The following RBFOX2 variants were observed in gnomAD, a reference collection of about 807,000 sequenced individuals.
The protein encoded by RBFOX2 is RNA binding protein fox-1 homolog 2.
Under a neutral mutation model 49.1 loss-of-function variants are expected in RBFOX2, and 10 were observed. That is an observed-to-expected ratio of 0.20 (90% CI 0.13 to 0.35). The LOEUF is 0.35. Among genes scored for constraint, RBFOX2 ranks in the 10% least tolerant of loss-of-function variants. The pLI is 1.00. For synonymous variants in RBFOX2, 183 were observed against 187.4 expected (o/e 0.98, Z 0.19); for missense variants, 323 against 486.9 (o/e 0.66, Z 3.17).
chr22:35,970,688 G>T (rs2056822033), intron 1 of RBFOX2, among the ~76,000 whole-genome samples: 2 of 152,064 alleles, frequency 1.3e-5, no homozygotes, highest in African/African-American at 4.8e-5. Context: ...GAAGAAATGT[G>T]ATCATGGTGC....
chr22:35,759,032 T>C lies in RBFOX2; in HGVS notation c.887+856A>G, dbSNP rs1332099032. ...CTGGCAGAGAAAAGGTGAAGAGAAA[T>C]GTCACATCTTTGATGAGGAAGTCCT... is the stretch of plus-strand genomic sequence containing the variant. On this transcript the variant is annotated intron_variant, in intron 9 of 11. Coordinates refer to ENST00000405409, the Ensembl canonical transcript of RBFOX2. This position sits in a 1 kb window ranked among gnomAD's most constrained non-coding sequence, Gnocchi z 4.6. 6.6e-6 allele frequency among the ~76,000 whole-genome samples: 1 copy of C among 152,080 alleles called. No individual in the cohort carries two copies. Among genetic ancestry groups the C allele is most frequent in the Admixed American group, 6.5e-5 (1 of 15,272 alleles).
chr22:36,023,629 A>C (rs967848790), intron 1 of RBFOX2, among the ~76,000 whole-genome samples: 1 of 152,220 alleles, frequency 6.6e-6, no homozygotes, highest in Non-Finnish European at 1.5e-5. Flanking sequence ...TAATAGCCCT[A>C]TATTTAACTC....
At chr22:35,840,613 C>T (rs560362736), upstream of RBFOX2, 313 of 1,107,916 alleles carry the variant, frequency 2.8e-4, 1 homozygote, top group African/African-American at 5.0e-3. Flanking sequence ...GCTGTGCGCA[C>T]GCGTGTGTGC....
chr22:35,778,108 T>G, intron 3 of RBFOX2, 30 bp from the exon 5 acceptor site: 1 of 1,563,498 alleles, frequency 6.4e-7, no homozygotes, highest in Middle Eastern at 1.7e-4. Context: ...AACGTTTACT[T>G]ATGGTCAGGT....
At chr22:35,994,744 T>A (rs1251852038) in intron 1 of RBFOX2, 1 of 151,712 alleles carries the variant, frequency 6.6e-6, no homozygotes, top group Admixed American at 6.6e-5. Flanking sequence ...AGAACAGAGA[T>A]GCGGGTCTCA....
intron 1 of RBFOX2, among the ~76,000 whole-genome samples, chr22:35,925,060 C>T (rs112692425): frequency 0.077 from 11,713 of 151,686 alleles, 475 homozygotes; most frequent in South Asian, 0.086. Context: ...GACGTGGTGG[C>T]GCATACTTGT....
At chr22:35,762,783 G>C (rs1377470570) in intron 6 of RBFOX2, among the ~76,000 whole-genome samples, 1 of 152,100 alleles carries the variant, frequency 6.6e-6, no homozygotes. Flanking sequence ...GGGGATTACA[G>C]GCTTGAGCCA....
intron 9 of RBFOX2, chr22:35,750,562 G>T: frequency 1.4e-6 from 1 of 733,154 alleles, no homozygotes; most frequent in Non-Finnish European, 2.4e-6. Flanking sequence ...TCTGATAGCT[G>T]GATAAATTTG....
chr22:35,983,365 G>GAT (rs1193210949), intron 1 of RBFOX2, among the ~76,000 whole-genome samples: 2 of 151,318 alleles, frequency 1.3e-5, no homozygotes, highest in Non-Finnish European at 2.9e-5. Context: ...AACAGAACCT[G>GAT]ATAGAAAAGT....
intron 1 of RBFOX2, among the ~76,000 whole-genome samples, chr22:35,911,855 ATTT>A (rs2049875872): frequency 6.6e-6 from 1 of 152,080 alleles, no homozygotes; most frequent in South Asian, 2.1e-4. Flanking sequence ...TCTGGATAAA[ATTT>A]TTAATGAACC....
intron 1 of RBFOX2, among the ~76,000 whole-genome samples, chr22:35,852,930 T>C (rs142235811): frequency 2.6e-4 from 39 of 152,310 alleles, no homozygotes; most frequent in African/African-American, 9.1e-4. Flanking sequence ...CCTAGTCAAT[T>C]TCCAGAGAAA....
intron 1 of RBFOX2, among the ~76,000 whole-genome samples, chr22:35,954,588 C>T (rs940754467): frequency 1.3e-5 from 2 of 152,188 alleles, no homozygotes; most frequent in African/African-American, 2.4e-5. Context: ...ACTCATACCA[C>T]TTCCATAGTA....
intron 1 of RBFOX2, chr22:35,821,908 A>T (rs1954610396): frequency 1.9e-6 from 1 of 518,886 alleles, no homozygotes; most frequent in Admixed American, 1.9e-5. Context: ...AGGAGCAGGA[A>T]ATGGGAGGAA....
intron 1 of RBFOX2, among the ~76,000 whole-genome samples, chr22:35,901,560 C>G (rs561026723): frequency 6.6e-6 from 1 of 152,162 alleles, no homozygotes; most frequent in Non-Finnish European, 1.5e-5. Context: ...TACTTGTGCA[C>G]TGGCCAAAAC....
intron 2 of RBFOX2, among the ~76,000 whole-genome samples, chr22:35,785,156 C>T (rs1402808699): frequency 1.3e-5 from 2 of 152,100 alleles, no homozygotes; most frequent in East Asian, 3.9e-4. Context: ...CACCATCACA[C>T]CCGGCTGAAT....
intron 1 of RBFOX2, among the ~76,000 whole-genome samples, chr22:35,832,351 C>T (rs889568452): frequency 6.6e-6 from 1 of 151,818 alleles, no homozygotes; most frequent in Admixed American, 6.6e-5. Flanking sequence ...CCAACCTGGG[C>T]GAAAGAGTGA....
At chr22:35,821,177 CT>C (rs1166732346) in intron 1 of RBFOX2, among the ~76,000 whole-genome samples, 1 of 152,110 alleles carries the variant, frequency 6.6e-6, no homozygotes. Context: ...TCTAAAATAT[CT>C]TTGATAGTTA....
At chr22:35,941,165 G>T (rs1005419821), upstream of RBFOX2, among the ~76,000 whole-genome samples, 9 of 152,092 alleles carry the variant, frequency 5.9e-5, no homozygotes, top group African/African-American at 1.9e-4. Context: ...GATTTTTATA[G>T]GGGAGACATG....
intron 1 of RBFOX2, among the ~76,000 whole-genome samples, chr22:35,989,385 CA>C (rs1420580394): frequency 6.6e-6 from 1 of 152,046 alleles, no homozygotes; most frequent in Non-Finnish European, 1.5e-5. Context: ...CAAGAGAAGC[CA>C]GGGGAAGAGC....
Sources: gnomAD v4.1 joint callset for allele counts (sites outside exome capture counted in the v4.1 genomes callset) on GRCh38, gnomAD v4.1.1 for gene constraint, Gnocchi (gnomAD v3.1) non-coding constraint, MANE v1.5 for transcripts, NCBI Gene and HGNC (gene_info 2026-07-23, HGNC 2026-07-21) for gene names.